RANBP17: variants seen among roughly 807,000 people sequenced by gnomAD.
RANBP17 encodes RAN binding protein 17, also known as ran-binding protein 17.
A neutral mutation model predicts 141.2 loss-of-function variants in RANBP17; 158 were observed. The ratio of observed to expected loss-of-function variants is 1.12; its 90% CI spans 0.98 to 1.28. RANBP17 has a LOEUF of 1.28. Ranked by LOEUF, RANBP17 falls within the 50% of genes most tolerant of loss-of-function variation. RANBP17 has a pLI of 0.00. For missense variants in RANBP17, 1,438 were observed against 1,290.7 expected (o/e 1.11, Z -1.75); for synonymous variants, 430 against 450.0 (o/e 0.96, Z 0.56).
At chr5:171,177,920 C>G (rs2127904953) in intron 16 of RANBP17, among the ~76,000 whole-genome samples, 1 of 152,082 alleles carries the variant, frequency 6.6e-6, no homozygotes, top group Non-Finnish European at 1.5e-5. Context: ...GTTGCCCCTT[C>G]TGTTGAGTGA....
In RANBP17 at chr5:171,159,847, C is replaced by T. The variant is rs528450172; in HGVS notation, c.1711-10283C>T. 5.0e-5 allele frequency among the ~76,000 whole-genome samples: 7 copies of T among 140,298 alleles called. No individual in the cohort carries two copies. The East Asian group carries it at 6.7e-4, about 13-fold the overall frequency. The allele number at this position is 140,298 out of a possible 152,430, so 92.0% of individuals were successfully genotyped here. A position where few individuals can be genotyped will look rare whatever the true frequency, so the allele number is the denominator to read the frequency against. ...CTGAGGCGGGAGAATGATGTGAACC[C>T]GGGAGGCAGAGCTTGCGGTGAGCCA... On this transcript the variant is annotated intron_variant, in intron 14 of 27. Transcript: ENST00000523189.
chr5:171,258,279 C>T lies in RANBP17; in HGVS notation c.2777-7402C>T, dbSNP rs373673949. Among the ~76,000 whole-genome samples, 191 of 152,074 alleles carry T rather than the reference C, an allele frequency of 1.3e-3. 8 individuals are homozygous for T. The South Asian group carries it at 0.038, about 31-fold the overall frequency. ...GGAAAAACATCCTATGCTCATGGAT[C>T]GGAAGAATATTGTTAAAATGTCCAT... On this transcript the variant is annotated intron_variant, in intron 24 of 27. Transcript: ENST00000523189.
chr5:170,882,205 C>T (rs538919978), intron 3 of RANBP17, among the ~76,000 whole-genome samples: 26 of 152,250 alleles, frequency 1.7e-4, no homozygotes, highest in African/African-American at 6.0e-4. Flanking sequence ...CCTCAGCCTC[C>T]CGAGTAGCTG....
At chr5:170,938,550 T>C (rs1221816040) in intron 12 of RANBP17, among the ~76,000 whole-genome samples, 1 of 152,188 alleles carries the variant, frequency 6.6e-6, no homozygotes, top group Non-Finnish European at 1.5e-5. Context: ...AGCAATTATG[T>C]GCGAAATAGT....
chr5:170,882,220 T>C (rs1324029916), intron 3 of RANBP17, among the ~76,000 whole-genome samples: 1 of 152,114 alleles, frequency 6.6e-6, no homozygotes. Context: ...TAGCTGGGAC[T>C]ACAGGTGCAC....
intron 14 of RANBP17, among the ~76,000 whole-genome samples, chr5:171,094,059 G>A: frequency 6.6e-6 from 1 of 152,214 alleles, no homozygotes. Flanking sequence ...CAGTTTACCA[G>A]CATGCAGTAT....
At chr5:171,103,614 C>G (rs1581642878) in intron 14 of RANBP17, among the ~76,000 whole-genome samples, 1 of 152,040 alleles carries the variant, frequency 6.6e-6, no homozygotes, top group African/African-American at 2.4e-5. Flanking sequence ...GTGAATGATT[C>G]TGTCTCACTG....
At chr5:171,269,421 G>T (rs1224572807) in intron 25 of RANBP17, among the ~76,000 whole-genome samples, 1 of 152,208 alleles carries the variant, frequency 6.6e-6, no homozygotes, top group African/African-American at 2.4e-5. Flanking sequence ...CGGATGGCCA[G>T]AGTAAAAGCG....
chr5:171,261,101 A>AC (rs1766297902), intron 24 of RANBP17, among the ~76,000 whole-genome samples: 1 of 124,458 alleles, frequency 8.0e-6, no homozygotes, highest in Non-Finnish European at 1.7e-5. Flanking sequence ...AAAAAAAAAA[A>AC]CCAAAAGAAA....
intron 14 of RANBP17, among the ~76,000 whole-genome samples, chr5:171,154,430 C>T (rs1758712942): frequency 6.6e-6 from 1 of 152,120 alleles, no homozygotes; most frequent in South Asian, 2.1e-4. Flanking sequence ...GCATGCGCCA[C>T]CATGCCCAGC....
In RANBP17 at chr5:171,296,618, T is replaced by TA. The variant is rs1236920710; in HGVS notation, c.3170+610dup. Among the ~76,000 whole-genome samples, 4 of 152,276 alleles carry TA rather than the reference T, an allele frequency of 2.6e-5. No homozygotes were observed. The East Asian group carries it at 7.7e-4, about 29-fold the overall frequency. The stretch of plus-strand genomic sequence containing the variant: ...TGATGTAAAAATATTATGTATCAAT[T>TA]AAAAAACAAATTGGCTGGGCACAGT... On this transcript the variant is annotated intron_variant, in intron 27 of 27. Coordinates refer to ENST00000523189, the MANE Select transcript of RANBP17 (RefSeq NM_022897.5).
intron 1 of RANBP17, among the ~76,000 whole-genome samples, chr5:170,873,278 TGTTCATC>T (rs1767907163): frequency 1.3e-5 from 2 of 152,242 alleles, no homozygotes; most frequent in Admixed American, 1.3e-4. Context: ...TTCACATCGA[TGTTCATC>T]AGGGATACTG....
chr5:171,245,880 T>C (rs1354786382), intron 24 of RANBP17, among the ~76,000 whole-genome samples: 2 of 148,916 alleles, frequency 1.3e-5, no homozygotes, highest in Non-Finnish European at 3.0e-5. Flanking sequence ...TCTCATACTT[T>C]TTTTTTTTTT....
intron 14 of RANBP17, among the ~76,000 whole-genome samples, chr5:171,118,480 T>C (rs1441750365): frequency 6.6e-6 from 1 of 152,166 alleles, no homozygotes; most frequent in African/African-American, 2.4e-5. Flanking sequence ...ATAAATTGCT[T>C]TGGGTACTAT....
At chr5:171,126,437 C>T (rs902815003) in intron 14 of RANBP17, among the ~76,000 whole-genome samples, 1 of 151,824 alleles carries the variant, frequency 6.6e-6, no homozygotes, top group Non-Finnish European at 1.5e-5. Flanking sequence ...CAAACCAAAC[C>T]CCAAATTAGT....
At position 170,908,559 on chromosome 5, in the gene RANBP17, G is replaced by A. The variant is rs534502415; in HGVS notation, c.490-1102G>A. Among the ~76,000 whole-genome samples the A allele has an allele frequency of 9.3e-5, 14 of 150,402 alleles. No individual in the cohort carries two copies. In the South Asian group the frequency reaches 2.5e-3, roughly 27 times the overall value. On this transcript the variant is annotated intron_variant, in intron 5 of 27. Coordinates refer to ENST00000523189, the MANE Select transcript of RANBP17 (RefSeq NM_022897.5). ...GTAAAGGTTGAAAAACTGACTTTTG[G>A]GTGACAGGATCATTCATACCCCAAA...
In RANBP17 at chr5:171,221,789, C is replaced by T; in HGVS notation, c.2371C>T (p.Pro791Ser). ...GCGTTTGAATTTTGATGTATCATCT[C>T]CTAATGGAATTCTTCTCTTCAGAGA... ...SQRLNFDVSS[P>S]NGILLFREAS... is the part of the protein sequence containing the mutation. The change falls in exon 22 of 28, where the codon CCT becomes TCT. Residue 791 changes from proline (P) to serine (S), a missense_variant. Transcript: ENST00000523189. 2 of 1,611,430 alleles carry T rather than the reference C, an allele frequency of 1.2e-6. No homozygotes were observed. The highest frequency in any genetic ancestry group is 4.5e-5 in the East Asian group (2 of 44,766).
chr5:171,038,954 C>T (rs181420088), intron 14 of RANBP17, among the ~76,000 whole-genome samples: 11 of 152,076 alleles, frequency 7.2e-5, no homozygotes, highest in Non-Finnish European at 1.3e-4. Context: ...GGATGTACCA[C>T]ATTTTCTTTA....
intron 14 of RANBP17, among the ~76,000 whole-genome samples, chr5:171,142,225 G>A (rs1201107514): frequency 6.6e-6 from 1 of 152,086 alleles, no homozygotes; most frequent in African/African-American, 2.4e-5. Context: ...TGTTTGTGGA[G>A]CCCCTCTCTC....
Sources: gnomAD v4.1 joint callset for allele counts (sites outside exome capture counted in the v4.1 genomes callset) on GRCh38, gnomAD v4.1.1 for gene constraint, MANE v1.5 for transcripts, NCBI Gene and HGNC (gene_info 2026-07-23, HGNC 2026-07-21) for gene names.